ZBTB20: variants seen among roughly 807,000 people sequenced by gnomAD.
ZBTB20 encodes the protein zinc finger and BTB domain containing 20, also known as zinc finger and BTB domain-containing protein 20.
ZBTB20 carries 9 observed loss-of-function variants against 56.9 expected under a neutral mutation model. That is an observed-to-expected ratio of 0.16 (90% CI 0.10 to 0.28). The LOEUF is 0.28. Among genes scored for constraint, ZBTB20 ranks in the 10% least tolerant of loss-of-function variants. ZBTB20 has a pLI of 1.00. For synonymous variants in ZBTB20, 417 were observed against 420.7 expected (o/e 0.99, Z 0.11); for missense variants, 655 against 1,003.0 (o/e 0.65, Z 4.69).
chr3:114,688,533 T>C (rs1379317575), intron 6 of ZBTB20, among the ~76,000 whole-genome samples: 1 of 152,096 alleles, frequency 6.6e-6, no homozygotes, highest in African/African-American at 2.4e-5. Flanking sequence ...TAATCAGACA[T>C]GAGAAAATGA....
intron 4 of ZBTB20, among the ~76,000 whole-genome samples, chr3:114,894,595 G>A (rs1013653053): frequency 1.3e-5 from 2 of 152,118 alleles, no homozygotes; most frequent in African/African-American, 4.8e-5. Flanking sequence ...TATGACTGAT[G>A]TCCTTATAAA....
chr3:114,871,627 T>C (rs1038659146), intron 4 of ZBTB20, among the ~76,000 whole-genome samples: 3 of 152,170 alleles, frequency 2.0e-5, no homozygotes, highest in African/African-American at 7.2e-5. Context: ...TTAAAAGATA[T>C]GTGGTTTAGG....
At chr3:114,361,555 G>A (rs919606563) in intron 10 of ZBTB20, among the ~76,000 whole-genome samples, 2 of 152,146 alleles carry the variant, frequency 1.3e-5, no homozygotes, top group Non-Finnish European at 2.9e-5. Context: ...TTTGCCTCAG[G>A]GAGTTGTGGT....
chr3:114,652,058 T>C lies in ZBTB20; in HGVS notation c.-295+41470A>G, dbSNP rs923541235. Among the ~76,000 whole-genome samples, 3 of 152,110 alleles carry C rather than the reference T, an allele frequency of 2.0e-5. No individual in the cohort carries two copies. In the East Asian group the frequency reaches 5.8e-4, roughly 29 times the overall value. ...TATAATTTATATTCAGCAAAATTCATGGACTTCAAAATGTACACAGAATGA... is the reference window on the plus strand; with the variant it reads ...TATAATTTATATTCAGCAAAATTCACGGACTTCAAAATGTACACAGAATGA... On this transcript the variant is annotated intron_variant, in intron 6 of 11. Transcript: ENST00000675478.
At chr3:114,347,385 T>C (rs2080284278) in intron 11 of ZBTB20, among the ~76,000 whole-genome samples, 1 of 152,170 alleles carries the variant, frequency 6.6e-6, no homozygotes, top group Non-Finnish European at 1.5e-5. Flanking sequence ...TAGGACTCTT[T>C]TTGGTTAGAG....
chr3:114,539,375 C>T (rs1012044217), intron 6 of ZBTB20, among the ~76,000 whole-genome samples: 45 of 151,956 alleles, frequency 3.0e-4, no homozygotes, highest in African/African-American at 1.0e-3. Flanking sequence ...CTATTTTTGG[C>T]GATACAATAG....
intron 6 of ZBTB20, among the ~76,000 whole-genome samples, chr3:114,590,016 A>G (rs1459465904): frequency 6.6e-6 from 1 of 152,208 alleles, no homozygotes; most frequent in African/African-American, 2.4e-5. Context: ...AAATGGTCTG[A>G]GTATATTGGT....
At chr3:114,933,236 T>C (rs1223890151) in intron 3 of ZBTB20, among the ~76,000 whole-genome samples, 3 of 152,162 alleles carry the variant, frequency 2.0e-5, no homozygotes, top group Non-Finnish European at 4.4e-5. Context: ...AGTCCCTGTA[T>C]TTGGGGGTAG....
At chr3:114,857,869 ACAAT>A (rs1218209523) in intron 4 of ZBTB20, among the ~76,000 whole-genome samples, 2 of 152,258 alleles carry the variant, frequency 1.3e-5, no homozygotes, top group African/African-American at 4.8e-5. Context: ...TGTGCTTCTG[ACAAT>A]CAGTGTCCCT....
intron 2 of ZBTB20, among the ~76,000 whole-genome samples, chr3:115,064,758 T>C (rs776205281): frequency 5.3e-5 from 8 of 152,170 alleles, no homozygotes; most frequent in Non-Finnish European, 1.0e-4. Flanking sequence ...CGGCCTTCTC[T>C]CTGAATTTTA....
chr3:114,517,559 CGTCA>C (rs1559899928), intron 6 of ZBTB20, among the ~76,000 whole-genome samples: 1 of 151,602 alleles, frequency 6.6e-6, no homozygotes, highest in East Asian at 1.9e-4. Context: ...TTAGTCAGTT[CGTCA>C]GTCAATCAAC....
intron 1 of ZBTB20, among the ~76,000 whole-genome samples, chr3:115,079,374 T>G (rs995028044): frequency 1.9e-5 from 2 of 103,492 alleles, no homozygotes; most frequent in Non-Finnish European, 4.1e-5. Context: ...GTTCCTCAAG[T>G]CTTTCTTATT....
chr3:114,573,681 G>A (rs1201410674), intron 6 of ZBTB20, among the ~76,000 whole-genome samples: 2 of 151,212 alleles, frequency 1.3e-5, no homozygotes, highest in African/African-American at 4.8e-5. Context: ...ATCCAAAAAA[G>A]AAAAAGAAAT....
intron 7 of ZBTB20, among the ~76,000 whole-genome samples, chr3:114,404,521 A>G (rs1439950136): frequency 6.6e-6 from 1 of 152,188 alleles, no homozygotes; most frequent in Non-Finnish European, 1.5e-5. Flanking sequence ...CTGGTATCTT[A>G]GAAAAGACTA....
At position 114,971,007 on chromosome 3, in the gene ZBTB20, T is replaced by A. The variant is rs145871845; in HGVS notation, c.-456+3359A>T. 4.9e-3 allele frequency among the ~76,000 whole-genome samples: 700 copies of A among 141,828 alleles called. 6 individuals are homozygous for A. Among genetic ancestry groups the A allele is most frequent in the African/African-American group, 0.019 (653 of 34,288 alleles). 93.0% of individuals were successfully genotyped at this position (141,828 alleles called of 152,430 possible). A position where few individuals can be genotyped will look rare whatever the true frequency, so the allele number is the denominator to read the frequency against. Reference sequence around the variant, plus strand: ...TCCAGCCTGGGCAACAGAGCGAGACTCCGTCAAAAAAAAAAAAAAGATAAT... The same window carrying A: ...TCCAGCCTGGGCAACAGAGCGAGACACCGTCAAAAAAAAAAAAAAGATAAT... On this transcript the variant is annotated intron_variant, in intron 3 of 11. Coordinates refer to ENST00000675478, the MANE Select transcript of ZBTB20 (RefSeq NM_001348800.3).
At chr3:115,067,820 T>C (rs995711976) in intron 2 of ZBTB20, among the ~76,000 whole-genome samples, 3 of 152,120 alleles carry the variant, frequency 2.0e-5, no homozygotes, top group African/African-American at 7.2e-5. Context: ...TAAAGCTAAC[T>C]TGCTAGCCTG....
chr3:114,766,489 A>ATGTGTGTGTGTG (rs71297433), intron 5 of ZBTB20, among the ~76,000 whole-genome samples: 1,806 of 139,058 alleles, frequency 0.013, 17 homozygotes, highest in Middle Eastern at 0.065. Context: ...TGGGATGGAA[A>ATGTGTGTGTGTG]TGTGTGTGTG....
chr3:115,013,908 A>ATGTGTGTGTGTGTG (rs35762117), intron 2 of ZBTB20, among the ~76,000 whole-genome samples: 16 of 147,754 alleles, frequency 1.1e-4, no homozygotes, highest in African/African-American at 3.5e-4. Flanking sequence ...CAATCCCTAT[A>ATGTGTGTGTGTGTG]TGTGTGTGTG....
chr3:114,570,018 T>C (rs1342432094), intron 6 of ZBTB20, among the ~76,000 whole-genome samples: 1 of 146,516 alleles, frequency 6.8e-6, no homozygotes, highest in African/African-American at 2.6e-5. Context: ...ATAATTTGTG[T>C]TGGCAAAATA....
Sources: allele counts gnomAD v4.1 joint callset (sites outside exome capture counted in the v4.1 genomes callset), GRCh38; gene constraint gnomAD v4.1.1; transcripts MANE v1.5; gene names NCBI Gene and HGNC (gene_info 2026-07-23, HGNC 2026-07-21).